Variants in PDE12 observed in about 807,000 individuals in gnomAD.
PDE12 encodes the protein phosphodiesterase 12.
In PDE12, 26 loss-of-function variants were observed where a neutral mutation model predicts 45.4. That is an observed-to-expected ratio of 0.57 (90% confidence interval 0.42 to 0.79). The LOEUF is 0.79. Among genes scored for constraint, PDE12 ranks in the 30% least tolerant of loss-of-function variants. The pLI is 0.00. For missense variants in PDE12, 668 were observed against 790.0 expected (o/e 0.85, Z 1.85); for synonymous variants, 283 against 323.9 (o/e 0.87, Z 1.36).
the PDE12 span, chr3:57,597,246 A>G: frequency 8.8e-7 from 1 of 1,133,846 alleles, no homozygotes; most frequent in Non-Finnish European, 1.3e-6. Flanking sequence ...GAAGAGAAAG[A>G]GCGGAGGAAG....
chr3:57,632,466 T>G, the PDE12 span, among the ~76,000 whole-genome samples: 5 of 152,122 alleles, frequency 3.3e-5, no homozygotes, highest in South Asian at 6.2e-4. Flanking sequence ...CCTGAGCCAC[T>G]GTGCCCAGCC....
the PDE12 span, among the ~76,000 whole-genome samples, chr3:57,634,170 C>T: frequency 4.6e-5 from 7 of 152,082 alleles, no homozygotes; most frequent in African/African-American, 9.7e-5. Flanking sequence ...CGGTGGCTGA[C>T]GCCTGTAATC....
At chr3:57,617,725 A>G in the PDE12 span, among the ~76,000 whole-genome samples, 1 of 151,958 alleles carries the variant, frequency 6.6e-6, no homozygotes, top group Non-Finnish European at 1.5e-5. Context: ...AAATTAGCCA[A>G]GTGTAGTGGC....
the PDE12 span, among the ~76,000 whole-genome samples, chr3:57,586,791 AAG>A: frequency 6.6e-6 from 1 of 152,188 alleles, no homozygotes; most frequent in African/African-American, 2.4e-5. Flanking sequence ...ATATAAAACA[AAG>A]GGGGGTGGCA....
the PDE12 span, among the ~76,000 whole-genome samples, chr3:57,617,578 T>TCA: frequency 6.6e-6 from 1 of 151,960 alleles, no homozygotes; most frequent in African/African-American, 2.4e-5. Flanking sequence ...CAAGAGTGGA[T>TCA]AGGGCCAGGC....
chr3:57,572,255 T>C, the PDE12 span: 1 of 1,614,178 alleles, frequency 6.2e-7, no homozygotes, highest in South Asian at 1.1e-5. Flanking sequence ...AAGTCCTTCA[T>C]ACAGACCAGT....
In PDE12 at chr3:57,559,542, AATG is replaced by A; in HGVS notation, c.1388-19_1388-17del. The A allele has an allele frequency of 6.3e-7, 1 of 1,578,108 alleles. No individual in the cohort carries two copies. Among genetic ancestry groups the A allele is most frequent in the Non-Finnish European group, 8.6e-7 (1 of 1,164,408 alleles). On this transcript the variant is annotated splice_polypyrimidine_tract_variant and intron_variant, in intron 2 of 2. Coordinates refer to ENST00000311180, the MANE Select transcript of PDE12 (RefSeq NM_177966.7). ...GACAACTTTAAAAAATACTTACATT[AATG>A]TTTTTTATATTCATAGGTGGGTATA... is the stretch of plus-strand genomic sequence containing the variant.
chr3:57,651,281 T>G, the PDE12 span, among the ~76,000 whole-genome samples: 1 of 152,182 alleles, frequency 6.6e-6, no homozygotes, highest in East Asian at 1.9e-4. Flanking sequence ...ACTTTCAACT[T>G]ACAATTTGCA....
the PDE12 span, among the ~76,000 whole-genome samples, chr3:57,640,399 C>T: frequency 6.6e-6 from 1 of 151,358 alleles, no homozygotes; most frequent in Non-Finnish European, 1.5e-5. Context: ...TTGAGACCAG[C>T]CTTGCCAACA....
downstream of PDE12, among the ~76,000 whole-genome samples, chr3:57,567,171 C>A (rs755911167): frequency 6.6e-5 from 10 of 151,950 alleles, no homozygotes; most frequent in Non-Finnish European, 1.2e-4. Context: ...AATTAGCTGG[C>A]CGTGGTGGTA....
chr3:57,626,681 C>G, the PDE12 span: 1 of 152,362 alleles, frequency 6.6e-6, no homozygotes, highest in East Asian at 1.9e-4. Flanking sequence ...TGCACTCCAG[C>G]CTGGGCAACA....
the PDE12 span, among the ~76,000 whole-genome samples, chr3:57,618,131 A>G: frequency 6.6e-6 from 1 of 152,156 alleles, no homozygotes; most frequent in African/African-American, 2.4e-5. Flanking sequence ...GGAGATTCCA[A>G]AAGTGAGGAG....
At chr3:57,606,317 G>A in the PDE12 span, among the ~76,000 whole-genome samples, 1 of 152,110 alleles carries the variant, frequency 6.6e-6, no homozygotes, top group South Asian at 2.1e-4. Flanking sequence ...TTGCAGACAA[G>A]AAGTGGAGTA....
chr3:57,576,090 G>A, the PDE12 span, among the ~76,000 whole-genome samples: 1 of 152,026 alleles, frequency 6.6e-6, no homozygotes, highest in Non-Finnish European at 1.5e-5. Context: ...TCCAACAACA[G>A]TGGGACAATA....
At chr3:57,616,010 G>A in the PDE12 span, among the ~76,000 whole-genome samples, 1 of 152,038 alleles carries the variant, frequency 6.6e-6, no homozygotes, top group Non-Finnish European at 1.5e-5. Context: ...TTTCTTGAAA[G>A]ACAAACTGCC....
the PDE12 span, chr3:57,625,957 C>T: frequency 3.9e-5 from 6 of 152,544 alleles, no homozygotes; most frequent in Non-Finnish European, 7.3e-5. Flanking sequence ...TGGTCACAAA[C>T]TGTATATAAA....
the PDE12 span, chr3:57,598,307 T>G: frequency 3.3e-5 from 5 of 152,214 alleles, no homozygotes; most frequent in African/African-American, 1.2e-4. Flanking sequence ...CTGTAGTTGC[T>G]TATTCCAACT....
At chr3:57,653,588 TA>T in the PDE12 span, among the ~76,000 whole-genome samples, 3 of 151,130 alleles carry the variant, frequency 2.0e-5, no homozygotes, top group Non-Finnish European at 3.0e-5. Context: ...CTACTAAAAA[TA>T]AAAAAAATTA....
At chr3:57,634,869 G>A in the PDE12 span, 1 of 966,220 alleles carries the variant, frequency 1.0e-6, no homozygotes, top group Non-Finnish European at 1.4e-6. Flanking sequence ...ACTTAAGTAT[G>A]TTATAATGAA....
Sources: gnomAD v4.1 joint callset for allele counts (sites outside exome capture counted in the v4.1 genomes callset) on GRCh38, gnomAD v4.1.1 for gene constraint, MANE v1.5 for transcripts, NCBI Gene and HGNC (gene_info 2026-07-23, HGNC 2026-07-21) for gene names.